Variants in TSPAN12 observed in about 807,000 individuals in gnomAD.
The protein encoded by TSPAN12 is tetraspanin 12, also known as tetraspanin-12.
A neutral mutation model predicts 39.2 loss-of-function variants in TSPAN12; 19 were observed. The observed-to-expected ratio is 0.49, with a 90% confidence interval of 0.34 to 0.71. The LOEUF (loss-of-function observed/expected upper bound fraction) is 0.71. Among genes scored for constraint, TSPAN12 ranks in the 30% least tolerant of loss-of-function variants. The probability of loss-of-function intolerance (pLI) is 0.01; values close to 1 mark genes in which losing one functional copy is unlikely to be tolerated. For missense variants in TSPAN12, 314 were observed against 359.9 expected (o/e 0.87, Z 1.03); for synonymous variants, 119 against 124.8 (o/e 0.95, Z 0.31).
chr7:120,856,628 G>A (rs1794874681), intron 2 of TSPAN12, 70 bp downstream of exon 2: 2 of 1,475,948 alleles, frequency 1.4e-6, no homozygotes. Context: ...GCCCTTTGGC[G>A]CATTATCCGG....
Position 120,826,141 on chromosome 7 carries a change from C to T in TSPAN12, c.286-10338G>A, listed in dbSNP as rs909402129. On this transcript the variant is annotated intron_variant, in intron 4 of 7. Coordinates refer to ENST00000222747, the MANE Select transcript of TSPAN12 (RefSeq NM_012338.4). ...TTTTCTAAAATTGTATCTTAATTTA[C>T]TCCCCTTTTCAATTTCATTTACATT... 1.1e-4 allele frequency among the ~76,000 whole-genome samples: 16 copies of T among 152,234 alleles called. 1 individual carries two copies. The East Asian group carries it at 3.1e-3, about 29-fold the overall frequency.
intron 2 of TSPAN12, among the ~76,000 whole-genome samples, chr7:120,847,604 T>C (rs903376510): frequency 6.6e-6 from 1 of 152,224 alleles, no homozygotes; most frequent in Non-Finnish European, 1.5e-5. Context: ...CCTCTCCCTT[T>C]TCCTCAGCTC....
rs1294608281 is a variant in TSPAN12 at position 120,787,895 on chromosome 7, A to T, written c.*697T>A. ...GCTTTATTAACAGGAAAGGCTAAAA[A>T]TAATGATGCTATACAGGACAAATTT... On this transcript the variant is annotated 3_prime_UTR_variant, in exon 8 of 8. Transcript: ENST00000222747. The T allele has an allele frequency of 6.5e-6, 1 of 152,758 alleles. No homozygotes were observed. Among genetic ancestry groups the T allele is most frequent in the Non-Finnish European group, 1.5e-5 (1 of 68,128 alleles). The allele number at this position is 152,758 out of a possible 1,614,324, so 9.5% of individuals were successfully genotyped here. A position where few individuals can be genotyped will look rare whatever the true frequency, so the allele number is the denominator to read the frequency against.
intron 4 of TSPAN12, among the ~76,000 whole-genome samples, chr7:120,830,770 C>A (rs1317755858): frequency 6.6e-6 from 1 of 151,700 alleles, no homozygotes; most frequent in Non-Finnish European, 1.5e-5. Flanking sequence ...AAGTCACAGA[C>A]AGAAAAAAAG....
chr7:120,832,321 A>G (rs540608150), intron 4 of TSPAN12, among the ~76,000 whole-genome samples: 1 of 152,270 alleles, frequency 6.6e-6, no homozygotes, highest in South Asian at 2.1e-4. Context: ...TTTACAGCCC[A>G]AAGAATAACA....
At chr7:120,800,766 T>TTTA (rs1793754279) in intron 7 of TSPAN12, among the ~76,000 whole-genome samples, 2 of 149,250 alleles carry the variant, frequency 1.3e-5, no homozygotes, top group African/African-American at 4.9e-5. Flanking sequence ...TTTTTTTTTT[T>TTTA]GAGACAGAGT....
At chr7:120,844,303 C>T (rs1411725713) in intron 2 of TSPAN12, among the ~76,000 whole-genome samples, 1 of 152,162 alleles carries the variant, frequency 6.6e-6, no homozygotes, top group African/African-American at 2.4e-5. Context: ...TGGCCCCTCC[C>T]AAATCTCATG....
chr7:120,840,485 T>C (rs1273956674), intron 2 of TSPAN12, among the ~76,000 whole-genome samples: 1 of 67,568 alleles, frequency 1.5e-5, no homozygotes, highest in African/African-American at 6.9e-5. Context: ...AACAATTAAA[T>C]ATTGTCAAAA....
At chr7:120,799,632 TA>T (rs1348742429) in intron 7 of TSPAN12, among the ~76,000 whole-genome samples, 5 of 112,720 alleles carry the variant, frequency 4.4e-5, no homozygotes, top group African/African-American at 1.8e-4. Flanking sequence ...ATATAATTAT[TA>T]TATATACTTA....
chr7:120,840,051 A>G lies in TSPAN12; in HGVS notation c.125T>C (p.Val42Ala). Reference sequence around the variant, plus strand: ...CCTCGTTTCTGCAGTTAAAGTGAGAACATTATTTAGGTAGTCCCTCATCCA... The same window carrying G: ...CCTCGTTTCTGCAGTTAAAGTGAGAGCATTATTTAGGTAGTCCCTCATCCA... ...SAWMRDYLNN[V>A]LTLTAETRVE... is the part of the protein sequence containing the mutation. The change falls in exon 3 of 8, where the codon GTT becomes GCT. Residue 42 changes from valine (V) to alanine (A), a missense_variant. By Grantham distance (64) the Val-to-Ala change is moderately conservative. Coordinates refer to ENST00000222747, the MANE Select transcript of TSPAN12 (RefSeq NM_012338.4). The G allele has an allele frequency of 6.2e-7, 1 of 1,613,528 alleles. No homozygotes were observed. Among genetic ancestry groups the G allele is most frequent in the South Asian group, 1.1e-5 (1 of 91,074 alleles).
intron 7 of TSPAN12, among the ~76,000 whole-genome samples, chr7:120,799,600 A>G (rs1793714050): frequency 8.4e-6 from 1 of 119,482 alleles, no homozygotes; most frequent in African/African-American, 3.5e-5. Context: ...ATATAATTAT[A>G]TATAATTATA....
chr7:120,809,482 G>A (rs1793936935), intron 6 of TSPAN12, among the ~76,000 whole-genome samples: 1 of 152,272 alleles, frequency 6.6e-6, no homozygotes, highest in Non-Finnish European at 1.5e-5. Context: ...CATCTCAACA[G>A]TTGTACACAG....
rs191142365 is a variant in TSPAN12 at position 120,819,776 on chromosome 7, C to T, written c.286-3973G>A. Among the ~76,000 whole-genome samples the T allele has an allele frequency of 8.2e-3, 1,250 of 152,212 alleles. 3 individuals carry two copies. The highest frequency in any genetic ancestry group is 0.012 in the Non-Finnish European group (832 of 68,006). On this transcript the variant is annotated intron_variant, in intron 4 of 7. Coordinates refer to ENST00000222747, the MANE Select transcript of TSPAN12 (RefSeq NM_012338.4). Reference sequence around the variant, plus strand: ...ATAAAGAGACCATCTGCATCTACCCCTAAATTTTCTTTTGTAGTGAGATCT... The same window carrying T: ...ATAAAGAGACCATCTGCATCTACCCTTAAATTTTCTTTTGTAGTGAGATCT...
chr7:120,823,228 T>A (rs920947786), intron 4 of TSPAN12, among the ~76,000 whole-genome samples: 6 of 151,960 alleles, frequency 3.9e-5, no homozygotes, highest in Non-Finnish European at 8.8e-5. Flanking sequence ...GGATATCCCA[T>A]GATATCCTTT....
In TSPAN12 at chr7:120,788,339, A is replaced by G. The variant is rs1793448907; in HGVS notation, c.*253T>C. ...CCTCAAAACATAACTGTGTTCAGTA[A>G]AAGTCATACACAGGCTACACAGTGG... On this transcript the variant is annotated 3_prime_UTR_variant, in exon 8 of 8. Transcript: ENST00000222747. 1 of 505,540 alleles carries G rather than the reference A, an allele frequency of 2.0e-6. No individual in the cohort carries two copies. Among genetic ancestry groups the G allele is most frequent in the East Asian group, 3.7e-5 (1 of 26,932 alleles). 31.3% of individuals were successfully genotyped at this position (505,540 alleles called of 1,614,324 possible).
intron 3 of TSPAN12, 103 bp downstream of exon 3, chr7:120,839,924 A>G (rs981339809): frequency 3.1e-6 from 3 of 965,800 alleles, no homozygotes; most frequent in Non-Finnish European, 5.0e-6. Flanking sequence ...GGCAGGAAAA[A>G]CTTTTCCAAA....
intron 2 of TSPAN12, among the ~76,000 whole-genome samples, chr7:120,843,481 C>T (rs1794615842): frequency 6.6e-6 from 1 of 152,176 alleles, no homozygotes; most frequent in Non-Finnish European, 1.5e-5. Flanking sequence ...ACTTAGGGGC[C>T]ACTACACACC....
At chr7:120,842,496 CCTG>C (rs1462471644) in intron 2 of TSPAN12, among the ~76,000 whole-genome samples, 3 of 149,916 alleles carry the variant, frequency 2.0e-5, no homozygotes, top group Non-Finnish European at 3.0e-5. Context: ...AGGGAAATAC[CCTG>C]CTGAAGGTCT....
intron 7 of TSPAN12, among the ~76,000 whole-genome samples, chr7:120,802,207 C>T (rs973048898): frequency 3.3e-5 from 5 of 152,156 alleles, no homozygotes; most frequent in East Asian, 3.9e-4. Context: ...TCTTACACCT[C>T]GCATTTAGAG....
Sources: allele counts gnomAD v4.1 joint callset (sites outside exome capture counted in the v4.1 genomes callset), GRCh38; gene constraint gnomAD v4.1.1; transcripts MANE v1.5; gene names NCBI Gene and HGNC (gene_info 2026-07-23, HGNC 2026-07-21).